AKAP9: variants seen among roughly 807,000 people sequenced by gnomAD.
AKAP9 encodes A-kinase anchoring protein 9, also known as A-kinase anchor protein 9.
Under a neutral mutation model 488.5 loss-of-function variants are expected in AKAP9, and 311 were observed. That is an observed-to-expected ratio of 0.64 (90% CI 0.58 to 0.70). The LOEUF (loss-of-function observed/expected upper bound fraction) is 0.70. AKAP9 is among the 30% of genes least tolerant of loss of function. AKAP9 has a pLI of 0.00. For missense variants in AKAP9, 4,215 were observed against 4,374.5 expected, an observed-to-expected ratio of 0.96 and a Z score of 1.03; for synonymous variants, 1,462 against 1,483.5, an observed-to-expected ratio of 0.99 and a Z score of 0.33.
At chr7:92,089,587 TTTTC>T (rs751391763) in intron 38 of AKAP9, 58 bp downstream of exon 38, 3 of 1,542,684 alleles carry the variant, frequency 1.9e-6, no homozygotes, top group Non-Finnish European at 2.7e-6. Context: ...TTTCACTTTG[TTTTC>T]TTTCTTATTA....
intron 3 of AKAP9, among the ~76,000 whole-genome samples, chr7:91,981,425 A>G (rs1052673140): frequency 2.6e-5 from 4 of 152,126 alleles, no homozygotes; most frequent in Non-Finnish European, 5.9e-5. Flanking sequence ...TTTAAAGTAT[A>G]TGGGCAGATG....
rs376703608 is a variant in AKAP9, at chr7:92,001,300, G to A, written c.1383G>A (p.Glu461=). Residue 461 remains glutamate (E), a synonymous_variant, in exon 8 of 50, where the codon GAG becomes GAA. Coordinates refer to ENST00000356239, the MANE Select transcript of AKAP9 (RefSeq NM_005751.5). ...ELIRQHMAQM[E]EMKTRHKGEM... is the part of the protein sequence containing the mutation. ...TAAGACAACACATGGCACAGATGGA[G>A]GAAATGAAAACACGGCATAAGGGAG... 2 of 1,613,768 alleles carry A rather than the reference G, an allele frequency of 1.2e-6. No individual in the cohort carries two copies. The highest frequency in any genetic ancestry group is 2.7e-5 in the African/African-American group (2 of 74,892).
chr7:91,964,493 G>A (rs1377020792), intron 1 of AKAP9, among the ~76,000 whole-genome samples: 9 of 151,524 alleles, frequency 5.9e-5, no homozygotes, highest in African/African-American at 2.0e-4. Context: ...GGATAAATGG[G>A]TACAATGTAC....
chr7:92,071,327 AAT>A lies in AKAP9; in HGVS notation c.6612+323_6612+324del, dbSNP rs61225847. On this transcript the variant is annotated intron_variant, in intron 28 of 49. Transcript: ENST00000356239. The stretch of plus-strand genomic sequence containing the variant: ...ATATAGTAGTGTTAGGACAAAAGGC[AAT>A]ATATCCCTTTTCTCCTAACCGTAGA... Among the ~76,000 whole-genome samples, 68,081 of 151,398 alleles carry A rather than the reference AAT, an allele frequency of 0.45. 16,416 individuals are homozygous for A. The highest frequency in any genetic ancestry group is 0.63 in the African/African-American group (26,058 of 41,262).
At chr7:91,978,856 A>C (rs1299952374) in intron 2 of AKAP9, among the ~76,000 whole-genome samples, 1 of 151,292 alleles carries the variant, frequency 6.6e-6, no homozygotes, top group Non-Finnish European at 1.5e-5. Context: ...TTCCAGGCCC[A>C]AGCAGTTCTC....
At chr7:91,984,352 A>G (rs1203818993) in intron 3 of AKAP9, among the ~76,000 whole-genome samples, 2 of 152,200 alleles carry the variant, frequency 1.3e-5, no homozygotes, top group Non-Finnish European at 2.9e-5. Context: ...GCATATGGCT[A>G]GCCAGTTTTC....
chr7:92,001,952 G>T lies in AKAP9; in HGVS notation c.2035G>T (p.Glu679Ter). 1 of 1,612,942 alleles carries T rather than the reference G, an allele frequency of 6.2e-7. No homozygotes were observed. The highest frequency in any genetic ancestry group is 8.5e-7 in the Non-Finnish European group (1 of 1,179,584). ...GLQNEMSQKI[E>*]TMQFEKDNLI... ...ACAGAATGAAATGAGTCAAAAGATAGAAACCATGCAGTTTGAAAAGGACAA... is the reference window on the plus strand; with the variant it reads ...ACAGAATGAAATGAGTCAAAAGATATAAACCATGCAGTTTGAAAAGGACAA... The change falls in exon 8 of 50, where the codon GAA (glutamate) becomes TAA (stop). Residue 679 changes from glutamate (E) to a stop codon, truncating the protein, a stop_gained. Transcript: ENST00000356239. LOFTEE classifies it high-confidence loss of function.
intron 15 of AKAP9, among the ~76,000 whole-genome samples, chr7:92,031,049 TAA>T (rs1320879716): frequency 1.3e-5 from 2 of 152,240 alleles, no homozygotes; most frequent in African/African-American, 2.4e-5. Context: ...TTATGTTTTT[TAA>T]AAGTTTATGG....
intron 16 of AKAP9, among the ~76,000 whole-genome samples, chr7:92,033,922 G>T (rs971834374): frequency 6.6e-6 from 1 of 152,210 alleles, no homozygotes; most frequent in African/African-American, 2.4e-5. Context: ...AAAAGAGGAT[G>T]AAATCTTTGT....
At chr7:91,962,985 T>A (rs943760159) in intron 1 of AKAP9, among the ~76,000 whole-genome samples, 10 of 152,214 alleles carry the variant, frequency 6.6e-5, no homozygotes, top group African/African-American at 2.4e-4. Context: ...GCTGTCTAAA[T>A]GTATTTTCTA....
chr7:91,970,593 G>A, intron 1 of AKAP9: 2 of 431,724 alleles, frequency 4.6e-6, no homozygotes, highest in Non-Finnish European at 9.2e-6. Context: ...TAGCTTTGCT[G>A]GATACAGTAT....
intron 14 of AKAP9, among the ~76,000 whole-genome samples, chr7:92,024,904 C>T (rs2130737024): frequency 6.6e-6 from 1 of 152,234 alleles, no homozygotes; most frequent in South Asian, 2.1e-4. Flanking sequence ...TTGCTTTAGC[C>T]TTATAAAGCT....
intron 48 of AKAP9, 25 bp from the exon 49 acceptor site, chr7:92,108,469 C>T: frequency 6.2e-7 from 1 of 1,612,680 alleles, no homozygotes; most frequent in Non-Finnish European, 8.5e-7. Flanking sequence ...TAACTTGATT[C>T]ATGTACATAT....
At chr7:92,090,639 A>C (rs941824840) in intron 38 of AKAP9, 2 of 135,898 alleles carry the variant, frequency 1.5e-5, no homozygotes, top group Non-Finnish European at 3.1e-5. Context: ...AAAAAAAAAA[A>C]AAGAATTTCC....
chr7:92,086,790 G>A (rs13239875), intron 37 of AKAP9, among the ~76,000 whole-genome samples: 63,097 of 151,954 alleles, frequency 0.42, 13,563 homozygotes, highest in African/African-American at 0.51. Flanking sequence ...ATTTTCATCA[G>A]TCAGCACATA....
intron 1 of AKAP9, among the ~76,000 whole-genome samples, chr7:91,955,876 G>A (rs113881794): frequency 0.12 from 18,353 of 151,920 alleles, 1,264 homozygotes; most frequent in East Asian, 0.37. Context: ...TCAGATGATC[G>A]CCCACCTTGG....
chr7:92,093,120 C>A lies in AKAP9; in HGVS notation c.9382C>A (p.Gln3128Lys). ...AGAACTCTTGGAATATAATATACAG[C>A]AGAAGCAGTCTCAAATGCTGGAGAT... ...SQELLEYNIQQKQSQMLEMQV... is the reference protein window; with the variant it reads ...SQELLEYNIQKKQSQMLEMQV... Residue 3128 changes from glutamine to lysine, a missense_variant, in exon 39 of 50, where the codon CAG (glutamine) becomes AAG (lysine). Around this residue, in one of 5 missense-constraint regions of AKAP9, gnomAD observed 1,476 missense variants for 1,477.4 expected, o/e 1.00. Transcript: ENST00000356239. 1 of 1,611,520 alleles carries A rather than the reference C, an allele frequency of 6.2e-7. No homozygotes were observed. Among genetic ancestry groups the A allele is most frequent in the Non-Finnish European group, 8.5e-7 (1 of 1,179,022 alleles).
chr7:92,102,723 A>G lies in AKAP9; in HGVS notation c.11227A>G (p.Met3743Val), dbSNP rs1817776669. 2 of 1,613,988 alleles carry G rather than the reference A, an allele frequency of 1.2e-6. No individual in the cohort carries two copies. Among genetic ancestry groups the G allele is most frequent in the African/African-American group, 1.3e-5 (1 of 74,894 alleles). Reference protein sequence around the residue: ...EDATLALLARMGGQPAFTDLE... With the variant: ...EDATLALLARVGGQPAFTDLE... ...TGCCACCTTGGCCCTGCTTGCCCGG[A>G]TGGGGGGGCAGCCAGCTTTCACGGA... Residue 3743 changes from methionine (M) to valine (V), a missense_variant, in exon 46 of 50, where the codon ATG (methionine) becomes GTG (valine). Met to Val is a conservative substitution (Grantham distance 21). This residue lies in a region of AKAP9 where 253 missense variants were observed against 266.8 expected (regional missense o/e 0.95). Transcript: ENST00000356239.
intron 1 of AKAP9, among the ~76,000 whole-genome samples, chr7:91,960,889 C>A (rs904783339): frequency 6.6e-6 from 1 of 152,146 alleles, no homozygotes; most frequent in African/African-American, 2.4e-5. Context: ...ATGAAGAAAT[C>A]AGGACAAGGG....
Sources: allele counts gnomAD v4.1 joint callset (sites outside exome capture counted in the v4.1 genomes callset), GRCh38; gene constraint gnomAD v4.1.1; regional missense constraint gnomAD v4.1.1; transcripts MANE v1.5; gene names NCBI Gene and HGNC (gene_info 2026-07-23, HGNC 2026-07-21).